Variants in MYRIP observed in about 807,000 individuals in gnomAD.
MYRIP encodes the protein myosin VIIA and Rab interacting protein.
A neutral mutation model predicts 98.0 loss-of-function variants in MYRIP; 49 were observed. The observed-to-expected ratio is 0.50, with a 90% CI of 0.40 to 0.63. MYRIP has a LOEUF of 0.63. Ranked by LOEUF, MYRIP falls within the 30% of genes least tolerant of loss-of-function variation. The pLI is 0.00. For synonymous variants in MYRIP, 404 were observed against 409.5 expected, an observed-to-expected ratio of 0.99 and a Z score of 0.16; for missense variants, 1,004 against 1,058.2, an observed-to-expected ratio of 0.95 and a Z score of 0.71.
intron 2 of MYRIP, among the ~76,000 whole-genome samples, chr3:39,929,024 G>A (rs757201257): frequency 6.6e-6 from 1 of 151,068 alleles, no homozygotes; most frequent in Non-Finnish European, 1.5e-5. Flanking sequence ...GTGTGTTTGT[G>A]GTCTGTGTGT....
At chr3:39,885,947 C>G (rs1011162533) in intron 1 of MYRIP, among the ~76,000 whole-genome samples, 11 of 151,762 alleles carry the variant, frequency 7.2e-5, no homozygotes, top group African/African-American at 2.7e-4. Context: ...TTTGAATGTC[C>G]TCCCGTAGCT....
At chr3:39,979,305 G>A (rs909094122) in intron 2 of MYRIP, among the ~76,000 whole-genome samples, 1 of 152,092 alleles carries the variant, frequency 6.6e-6, no homozygotes, top group African/African-American at 2.4e-5. Context: ...TATTTTTAAT[G>A]AGTTTGTCCC....
chr3:40,015,091 A>C (rs1575465689), intron 2 of MYRIP, among the ~76,000 whole-genome samples: 1 of 152,214 alleles, frequency 6.6e-6, no homozygotes, highest in East Asian at 1.9e-4. Flanking sequence ...AGATGACCTC[A>C]ACTTTTAGTG....
intron 3 of MYRIP, among the ~76,000 whole-genome samples, chr3:40,150,235 C>T (rs1950094441): frequency 6.6e-6 from 1 of 152,174 alleles, no homozygotes; most frequent in Non-Finnish European, 1.5e-5. Context: ...GGATTACAGG[C>T]ATGCGCCACC....
At chr3:40,031,615 A>G (rs1487211842) in intron 2 of MYRIP, among the ~76,000 whole-genome samples, 1 of 152,118 alleles carries the variant, frequency 6.6e-6, no homozygotes, top group East Asian at 1.9e-4. Context: ...GATCTACAAA[A>G]AAAGTTTCTT....
At chr3:40,165,512 A>G (rs1433999261) in intron 5 of MYRIP, among the ~76,000 whole-genome samples, 1 of 152,200 alleles carries the variant, frequency 6.6e-6, no homozygotes, top group Non-Finnish European at 1.5e-5. Flanking sequence ...TTATAAATGG[A>G]AACAGGAGGT....
intron 2 of MYRIP, among the ~76,000 whole-genome samples, chr3:39,999,749 C>G (rs994198782): frequency 2.0e-5 from 3 of 152,054 alleles, no homozygotes; most frequent in Non-Finnish European, 2.9e-5. Context: ...CAGCACTATT[C>G]ACGATAGCAA....
At chr3:39,932,015 T>C (rs1183271015) in intron 2 of MYRIP, among the ~76,000 whole-genome samples, 1 of 152,192 alleles carries the variant, frequency 6.6e-6, no homozygotes, top group Non-Finnish European at 1.5e-5. Flanking sequence ...TGCTGCCACA[T>C]AGAATTAGTT....
chr3:39,958,848 A>G (rs1416641273), intron 2 of MYRIP, among the ~76,000 whole-genome samples: 2 of 152,156 alleles, frequency 1.3e-5, no homozygotes, highest in East Asian at 1.9e-4. Context: ...AATCAACCCC[A>G]TCAAAAAGTG....
At chr3:40,109,152 G>GTATTATTATACTTTA (rs1224034045) in intron 3 of MYRIP, among the ~76,000 whole-genome samples, 5 of 152,012 alleles carry the variant, frequency 3.3e-5, no homozygotes, top group African/African-American at 1.2e-4. Flanking sequence ...TTAAGTTCTA[G>GTATTATTATACTTTA]GGTACATGTG....
At chr3:40,196,038 T>TA (rs1019429267) in intron 10 of MYRIP, among the ~76,000 whole-genome samples, 2 of 151,982 alleles carry the variant, frequency 1.3e-5, no homozygotes, top group African/African-American at 2.4e-5. Flanking sequence ...CATCACGTTT[T>TA]AAAAAAAATT....
chr3:40,065,897 T>C (rs1948117129), intron 3 of MYRIP, among the ~76,000 whole-genome samples: 1 of 152,100 alleles, frequency 6.6e-6, no homozygotes, highest in African/African-American at 2.4e-5. Flanking sequence ...GGAGTTGAAG[T>C]CTCAGAGCCT....
chr3:39,950,364 T>C (rs1231719718), intron 2 of MYRIP, among the ~76,000 whole-genome samples: 2 of 152,236 alleles, frequency 1.3e-5, no homozygotes, highest in Non-Finnish European at 1.5e-5. Flanking sequence ...TTATACATTC[T>C]ATTCCTTTTG....
Position 40,258,522 on chromosome 3 carries a change from A to G in MYRIP, c.*356A>G. ...TTTAAATACATTTGATTCAGCTAGT[A>G]TTCCATGTCAACAATTTGTCCAAAG... On this transcript the variant is annotated 3_prime_UTR_variant, in exon 17 of 17. Transcript: ENST00000302541. 1 of 227,930 alleles carries G rather than the reference A, an allele frequency of 4.4e-6. No individual in the cohort carries two copies. The highest frequency in any genetic ancestry group is 8.7e-6 in the Non-Finnish European group (1 of 114,390). The allele number at this position is 227,930 out of a possible 1,614,324, so 14.1% of individuals were successfully genotyped here.
intron 1 of MYRIP, among the ~76,000 whole-genome samples, chr3:39,852,712 T>G (rs750712321): frequency 1.3e-5 from 2 of 152,082 alleles, no homozygotes; most frequent in Non-Finnish European, 2.9e-5. Flanking sequence ...ATGCCACTAT[T>G]TCTTCTCTCC....
In MYRIP at chr3:39,945,487, AAAAAG is replaced by A. The variant is rs1467203206; in HGVS notation, c.110+44566_110+44570del. On this transcript the variant is annotated intron_variant, in intron 2 of 16. Coordinates refer to ENST00000302541, the MANE Select transcript of MYRIP (RefSeq NM_015460.4). The stretch of plus-strand genomic sequence containing the variant: ...GCAAGACTCCATCTCAAAAAAAAAA[AAAAAG>A]AAAAAAGAAAAAAAAAGAATGTATC... Among the ~76,000 whole-genome samples, 4 of 131,882 alleles carry A rather than the reference AAAAAG, an allele frequency of 3.0e-5. 1 individual carries two copies. The highest frequency in any genetic ancestry group is 1.3e-4 in the African/African-American group (4 of 29,938). 86.5% of individuals were successfully genotyped at this position (131,882 alleles called of 152,430 possible).
intron 3 of MYRIP, among the ~76,000 whole-genome samples, chr3:40,127,074 C>T (rs916761450): frequency 6.6e-6 from 1 of 152,142 alleles, no homozygotes; most frequent in African/African-American, 2.4e-5. Flanking sequence ...CTCCTACTGC[C>T]CCTATATGGT....
intron 11 of MYRIP, among the ~76,000 whole-genome samples, chr3:40,217,101 T>G (rs1052774141): frequency 1.3e-4 from 20 of 152,146 alleles, no homozygotes; most frequent in African/African-American, 4.8e-4. Flanking sequence ...CAGAAGAAAT[T>G]GGCAAAGTAG....
intron 3 of MYRIP, among the ~76,000 whole-genome samples, chr3:40,084,955 A>G (rs1039491144): frequency 2.0e-5 from 3 of 149,750 alleles, no homozygotes; most frequent in Non-Finnish European, 4.4e-5. Context: ...ACATGTCGAT[A>G]GATAATATAT....
Sources: gnomAD v4.1 joint callset for allele counts (sites outside exome capture counted in the v4.1 genomes callset) on GRCh38, gnomAD v4.1.1 for gene constraint, MANE v1.5 for transcripts, NCBI Gene and HGNC (gene_info 2026-07-23, HGNC 2026-07-21) for gene names.